The following CNGB3 variants were observed in gnomAD, a reference collection of about 807,000 sequenced individuals.
CNGB3 encodes the protein cyclic nucleotide gated channel subunit beta 3.
A neutral mutation model predicts 92.8 loss-of-function variants in CNGB3; 86 were observed. That is an observed-to-expected ratio of 0.93 (90% confidence interval 0.78 to 1.11). CNGB3 has a LOEUF of 1.11. Ranked by LOEUF, CNGB3 falls within the 50% of genes least tolerant of loss-of-function variation. The pLI is 0.00. For missense variants in CNGB3, 1,026 were observed against 956.8 expected (o/e 1.07, Z -0.95); for synonymous variants, 333 against 332.7 (o/e 1.00, Z -0.01).
intron 10 of CNGB3, among the ~76,000 whole-genome samples, chr8:86,638,898 G>T (rs1823125894): frequency 6.6e-6 from 1 of 151,052 alleles, no homozygotes; most frequent in Admixed American, 6.6e-5. Context: ...TCTAGGAATT[G>T]TAATATAAAT....
intron 14 of CNGB3, among the ~76,000 whole-genome samples, 191 bp downstream of exon 14, chr8:86,611,397 A>G (rs1822516688): frequency 6.6e-6 from 1 of 152,210 alleles, no homozygotes; most frequent in Non-Finnish European, 1.5e-5. Context: ...ATAAGTAATG[A>G]AATCCATATT....
Position 86,632,824 on chromosome 8 carries a change from A to G in CNGB3, c.1248T>C (p.Thr416=), listed in dbSNP as rs760285737. 1 of 1,612,878 alleles carries G rather than the reference A, an allele frequency of 6.2e-7. No homozygotes were observed. The highest frequency in any genetic ancestry group is 1.1e-5 in the South Asian group (1 of 91,034). ...AGAGTTGAAAAACAATTTCAAATAA[A>G]GTTTGTGGTTCTGGAAGGCCACCAA... is the stretch of plus-strand genomic sequence containing the variant. ...ITIGGLPEPQ[T]LFEIVFQLLN... Residue 416 remains threonine (T), a synonymous_variant, in exon 11 of 18, where the codon ACT becomes ACC. Coordinates refer to ENST00000320005, the MANE Select transcript of CNGB3 (RefSeq NM_019098.5).
At chr8:86,677,447 C>A (rs1365132524) in intron 3 of CNGB3, among the ~76,000 whole-genome samples, 1 of 152,168 alleles carries the variant, frequency 6.6e-6, no homozygotes, top group African/African-American at 2.4e-5. Flanking sequence ...GAATTTAGGT[C>A]TGGAAATCGG....
intron 15 of CNGB3, chr8:86,593,826 C>G: frequency 9.3e-7 from 1 of 1,071,058 alleles, no homozygotes; most frequent in Non-Finnish European, 1.4e-6. Context: ...TCTGTCAGGT[C>G]AGGGAAGTTG....
At position 86,703,155 on chromosome 8, in the gene CNGB3, C is replaced by T. The variant is rs1010799393; in HGVS notation, c.338+23376G>A. 7.9e-5 allele frequency among the ~76,000 whole-genome samples: 12 copies of T among 152,026 alleles called. No homozygotes were observed. The East Asian group carries it at 2.1e-3, about 27-fold the overall frequency. On this transcript the variant is annotated intron_variant, in intron 3 of 17. Coordinates refer to ENST00000320005, the MANE Select transcript of CNGB3 (RefSeq NM_019098.5). Reference sequence around the variant, plus strand: ...ATGTCATCTTCATTTTTCTTTAGTGCGTCGTGCTTTTTCTGTTAATTAGAT... The same window carrying T: ...ATGTCATCTTCATTTTTCTTTAGTGTGTCGTGCTTTTTCTGTTAATTAGAT...
chr8:86,697,500 C>G (rs922885215), intron 3 of CNGB3, among the ~76,000 whole-genome samples: 1 of 152,122 alleles, frequency 6.6e-6, no homozygotes, highest in African/African-American at 2.4e-5. Flanking sequence ...GTTCAGCTTG[C>G]TATGAATTCA....
chr8:86,629,080 TA>T lies in CNGB3; in HGVS notation c.1321-3del. ...AGCTGCTCCAATCACATCTCTCATC[TA>T]AAACCACAAATATGGTCACTCCACG... On this transcript the variant is annotated splice_polypyrimidine_tract_variant and splice_region_variant and intron_variant, in intron 11 of 17. Transcript: ENST00000320005. The T allele has an allele frequency of 6.2e-7, 1 of 1,614,002 alleles. No homozygotes were observed. The highest frequency in any genetic ancestry group is 1.3e-5 in the African/African-American group (1 of 75,050).
chr8:86,651,066 C>T (rs1284223279), intron 7 of CNGB3, among the ~76,000 whole-genome samples: 1 of 151,644 alleles, frequency 6.6e-6, no homozygotes, highest in African/African-American at 2.4e-5. Flanking sequence ...GAATGGAAAA[C>T]CAAACACTAT....
At chr8:86,594,695 T>TTTGTTTG (rs1563719898) in intron 15 of CNGB3, 44 of 166,696 alleles carry the variant, frequency 2.6e-4, no homozygotes, top group African/African-American at 8.0e-4. Flanking sequence ...TAGACAGCTT[T>TTTGTTTG]TTTGTTTGTT....
At position 86,575,964 on chromosome 8, in the gene CNGB3, G is replaced by A. The variant is rs779087273; in HGVS notation, c.2270C>T (p.Thr757Ile). 2 of 1,614,094 alleles carry A rather than the reference G, an allele frequency of 1.2e-6. No homozygotes were observed. Among genetic ancestry groups the A allele is most frequent in the South Asian group, 1.1e-5 (1 of 91,066 alleles). Residue 757 changes from threonine (T) to isoleucine (I), a missense_variant, in exon 18 of 18, where the codon ACA becomes ATA. Thr to Ile is a moderately conservative substitution (Grantham distance 89). Coordinates refer to ENST00000320005, the MANE Select transcript of CNGB3 (RefSeq NM_019098.5). ...EEKPLDRPEC[T>I]ASPIAVEEEP... ...TTCCTCCACTGCAATAGGACTTGCT[G>A]TACATTCAGGTCTGTCCAGTGGCTT...
At chr8:86,733,430 G>C (rs182366269) in intron 2 of CNGB3, among the ~76,000 whole-genome samples, 1 of 152,216 alleles carries the variant, frequency 6.6e-6, no homozygotes, top group Non-Finnish European at 1.5e-5. Flanking sequence ...CTTTTGGGTA[G>C]AACAATTTAT....
At chr8:86,721,464 T>C (rs1207017309) in intron 3 of CNGB3, among the ~76,000 whole-genome samples, 1 of 151,880 alleles carries the variant, frequency 6.6e-6, no homozygotes, top group Non-Finnish European at 1.5e-5. Flanking sequence ...GGGTACAGTG[T>C]TCTCTGCTCA....
intron 14 of CNGB3, among the ~76,000 whole-genome samples, chr8:86,611,176 T>G (rs1200005705): frequency 6.6e-6 from 1 of 152,178 alleles, no homozygotes; most frequent in East Asian, 1.9e-4. Flanking sequence ...CAGTACAGTT[T>G]TTTAAAATGT....
chr8:86,586,425 T>C (rs889867478), intron 15 of CNGB3, among the ~76,000 whole-genome samples: 1 of 151,550 alleles, frequency 6.6e-6, no homozygotes, highest in Non-Finnish European at 1.5e-5. Context: ...CATGCTGGTG[T>C]GCTGCACCCA....
intron 15 of CNGB3, chr8:86,594,087 C>T (rs796567510): frequency 8.5e-5 from 27 of 318,128 alleles, no homozygotes; most frequent in African/African-American, 5.8e-4. Flanking sequence ...ATCCAGGATC[C>T]TGGAGGTCGG....
chr8:86,626,329 A>G (rs1277440407), intron 12 of CNGB3, among the ~76,000 whole-genome samples: 9 of 152,240 alleles, frequency 5.9e-5, no homozygotes, highest in Non-Finnish European at 5.9e-5. Context: ...ATAATTCCAG[A>G]ACATTATGCT....
intron 7 of CNGB3, among the ~76,000 whole-genome samples, chr8:86,653,253 A>T (rs1032851973): frequency 6.6e-6 from 1 of 152,122 alleles, no homozygotes; most frequent in African/African-American, 2.4e-5. Flanking sequence ...TGTAGAATTC[A>T]TCAAAGCAGC....
intron 15 of CNGB3, among the ~76,000 whole-genome samples, chr8:86,597,501 AC>A (rs1822198160): frequency 6.6e-6 from 1 of 152,232 alleles, no homozygotes; most frequent in African/African-American, 2.4e-5. Context: ...ATGAAAGTGT[AC>A]AGCAGGGAGA....
At chr8:86,647,639 A>G (rs940029282) in intron 8 of CNGB3, among the ~76,000 whole-genome samples, 162 bp downstream of exon 8, 1 of 151,098 alleles carries the variant, frequency 6.6e-6, no homozygotes. Flanking sequence ...TCATTAAAAA[A>G]AATTATAGCA....
Sources: gnomAD v4.1 joint callset for allele counts (sites outside exome capture counted in the v4.1 genomes callset) on GRCh38, gnomAD v4.1.1 for gene constraint, MANE v1.5 for transcripts, NCBI Gene and HGNC (gene_info 2026-07-23, HGNC 2026-07-21) for gene names.